OTUD7B: variants seen among roughly 807,000 people sequenced by gnomAD.
The protein encoded by OTUD7B is OTU domain-containing protein 7B.
In OTUD7B, 34 loss-of-function variants were observed where a neutral mutation model predicts 82.2. The observed-to-expected ratio is 0.41, with a 90% CI of 0.31 to 0.55. OTUD7B has a LOEUF of 0.55. OTUD7B is among the 20% of genes least tolerant of loss of function. The pLI is 0.20. For synonymous variants in OTUD7B, 398 were observed against 402.7 expected, an observed-to-expected ratio of 0.99 and a Z score of 0.14; for missense variants, 944 against 1,062.1, an observed-to-expected ratio of 0.89 and a Z score of 1.55.
chr1:150,048,525 C>A, the OTUD7B span: 2 of 104,304 alleles, frequency 1.9e-5, no homozygotes, highest in Non-Finnish European at 4.2e-5. Flanking sequence ...TCAAGACCAG[C>A]GTGGGCAAAA....
intron 10 of OTUD7B, among the ~76,000 whole-genome samples, chr1:149,947,819 C>T (rs1647871942): frequency 6.6e-6 from 1 of 152,090 alleles, no homozygotes; most frequent in Admixed American, 6.5e-5. Flanking sequence ...GGAGCTTTTG[C>T]ATTCATACAC....
chr1:149,951,480 G>A (rs782797275), intron 7 of OTUD7B, among the ~76,000 whole-genome samples: 6 of 152,092 alleles, frequency 3.9e-5, no homozygotes, highest in Non-Finnish European at 8.8e-5. Context: ...CCCTTTCCTG[G>A]ATTACTACAA....
the OTUD7B span, among the ~76,000 whole-genome samples, chr1:150,043,433 T>A: frequency 2.0e-5 from 3 of 152,182 alleles, no homozygotes; most frequent in Non-Finnish European, 2.9e-5. Flanking sequence ...ATTTATTCCA[T>A]ACAGTTTTTG....
At chr1:150,026,010 A>C in the OTUD7B span, among the ~76,000 whole-genome samples, 1 of 152,196 alleles carries the variant, frequency 6.6e-6, no homozygotes, top group African/African-American at 2.4e-5. Flanking sequence ...GGCGAACAGG[A>C]CAAGTGACTA....
intron 2 of OTUD7B, among the ~76,000 whole-genome samples, chr1:149,975,902 T>C (rs1466036952): frequency 1.3e-5 from 2 of 151,818 alleles, no homozygotes; most frequent in African/African-American, 4.8e-5. Flanking sequence ...GCGTCTGTAG[T>C]CCCAGCTACT....
In OTUD7B at chr1:149,943,625, T is replaced by G. The variant is rs1647427142; in HGVS notation, c.*232A>C. 10 of 534,276 alleles carry G rather than the reference T, an allele frequency of 1.9e-5. No homozygotes were observed. In the South Asian group the frequency reaches 1.9e-4, roughly 10 times the overall value. The allele number at this position is 534,276 out of a possible 1,614,324, so 33.1% of individuals were successfully genotyped here. ...ATCTTTTCCCCTTGTACCTCAAACC[T>G]CATCAAGTCAAGCTCTGCAGAGGAA... On this transcript the variant is annotated 3_prime_UTR_variant, in exon 12 of 12. Coordinates refer to ENST00000581312, the MANE Select transcript of OTUD7B (RefSeq NM_020205.4).
the OTUD7B span, chr1:150,054,430 C>T: frequency 5.6e-6 from 3 of 534,010 alleles, no homozygotes; most frequent in Non-Finnish European, 1.1e-5. Flanking sequence ...AAAGAACACA[C>T]CAGAAATCTG....
chr1:149,944,104 C>A lies in OTUD7B; in HGVS notation c.2285G>T (p.Gly762Val). ...GSHSKDGLHR[G>V]ALLPPPYRVA... Reference sequence around the variant, plus strand: ...TCGGTAGGGGGGTGGTAACAAGGCACCCCTGTGAAGTCCATCCTTAGAGTG... The same window carrying A: ...TCGGTAGGGGGGTGGTAACAAGGCAACCCTGTGAAGTCCATCCTTAGAGTG... Residue 762 changes from glycine (G) to valine (V), a missense_variant, in exon 12 of 12, where the codon GGT (glycine) becomes GTT (valine). By Grantham distance (109) the Gly-to-Val change is moderately radical. Transcript: ENST00000581312. The A allele has an allele frequency of 3.1e-6, 5 of 1,614,068 alleles. No individual in the cohort carries two copies. Among genetic ancestry groups the A allele is most frequent in the Middle Eastern group, 1.7e-4 (1 of 6,056 alleles).
intron 3 of OTUD7B, among the ~76,000 whole-genome samples, 181 bp downstream of exon 3, chr1:149,970,882 T>C (rs1345265944): frequency 6.6e-6 from 1 of 152,102 alleles, no homozygotes; most frequent in African/African-American, 2.4e-5. Flanking sequence ...ACACTAAAGA[T>C]GCAGAGACGC....
intron 1 of OTUD7B, among the ~76,000 whole-genome samples, chr1:149,981,531 T>G (rs1258846768): frequency 1.3e-5 from 2 of 152,232 alleles, no homozygotes; most frequent in Non-Finnish European, 2.9e-5. Context: ...GATGATGGAA[T>G]TTTCATGCAA....
At chr1:149,956,767 A>G (rs12058281) in intron 7 of OTUD7B, among the ~76,000 whole-genome samples, 41,605 of 150,550 alleles carry the variant, frequency 0.28, 5,621 homozygotes, top group African/African-American at 0.37. Context: ...TTCTCTTCTC[A>G]CTTCATTTCA....
At chr1:150,022,664 C>T in the OTUD7B span, among the ~76,000 whole-genome samples, 2 of 152,142 alleles carry the variant, frequency 1.3e-5, no homozygotes, top group Non-Finnish European at 2.9e-5. Flanking sequence ...AATGACATCA[C>T]TATGTCTCTA....
the OTUD7B span, among the ~76,000 whole-genome samples, chr1:150,065,543 CTT>C: frequency 6.6e-6 from 1 of 151,934 alleles, no homozygotes; most frequent in African/African-American, 2.4e-5. Flanking sequence ...GAAAATATTT[CTT>C]GTTATTATAG....
chr1:149,998,104 A>C (rs1652034790), intron 1 of OTUD7B, among the ~76,000 whole-genome samples: 2 of 152,146 alleles, frequency 1.3e-5, no homozygotes, highest in African/African-American at 4.8e-5. Flanking sequence ...AAAATGTGTG[A>C]TCATTCTTAC....
chr1:149,967,349 G>A lies in OTUD7B; in HGVS notation c.447C>T (p.Ser149=), dbSNP rs1049331172. The A allele has an allele frequency of 1.2e-6, 2 of 1,614,146 alleles. No individual in the cohort carries two copies. Among genetic ancestry groups the A allele is most frequent in the African/African-American group, 1.3e-5 (1 of 75,044 alleles). The stretch of plus-strand genomic sequence containing the variant: ...GCTCAATGAGGTCTCTCTCTATGAA[G>A]CTGCGGAAGTCTTCATTGTATACAG... ...DLTVYNEDFR[S]FIERDLIEQS... The change falls in exon 4 of 12, where the codon AGC becomes AGT. Residue 149 remains serine, a synonymous_variant. Coordinates refer to ENST00000581312, the MANE Select transcript of OTUD7B (RefSeq NM_020205.4).
At chr1:150,034,997 A>T in the OTUD7B span, among the ~76,000 whole-genome samples, 2 of 152,086 alleles carry the variant, frequency 1.3e-5, no homozygotes, top group Non-Finnish European at 2.9e-5. Flanking sequence ...ACAAAAAATT[A>T]GCCAGGCATG....
the OTUD7B span, among the ~76,000 whole-genome samples, chr1:150,023,835 G>C: frequency 1.3e-5 from 2 of 152,122 alleles, no homozygotes; most frequent in Admixed American, 6.5e-5. Flanking sequence ...ATGTTAGTTA[G>C]CTTGATTTTA....
At chr1:150,066,033 G>C in the OTUD7B span, among the ~76,000 whole-genome samples, 1 of 152,128 alleles carries the variant, frequency 6.6e-6, no homozygotes, top group Admixed American at 6.5e-5. The surrounding 1 kb of genome is among the most constrained non-coding windows in gnomAD (Gnocchi z 4.6). Flanking sequence ...ATTGCTTACA[G>C]ACTGACTATT....
intron 7 of OTUD7B, among the ~76,000 whole-genome samples, chr1:149,954,620 T>G (rs1166785818): frequency 6.6e-6 from 1 of 152,230 alleles, no homozygotes; most frequent in Non-Finnish European, 1.5e-5. Flanking sequence ...TCAGAAGGAA[T>G]GGTACCAGCT....
Sources: gnomAD v4.1 joint callset for allele counts (sites outside exome capture counted in the v4.1 genomes callset) on GRCh38, gnomAD v4.1.1 for gene constraint, Gnocchi (gnomAD v3.1) non-coding constraint, MANE v1.5 for transcripts, NCBI Gene and HGNC (gene_info 2026-07-23, HGNC 2026-07-21) for gene names.